CNTNAP2: variants seen among roughly 807,000 people sequenced by gnomAD.
The protein encoded by CNTNAP2 is contactin-associated protein-like 2.
Under a neutral mutation model 155.2 loss-of-function variants are expected in CNTNAP2, and 98 were observed. The observed-to-expected ratio is 0.63, with a 90% CI of 0.54 to 0.75. The LOEUF is 0.75. Among genes scored for constraint, CNTNAP2 ranks in the 30% least tolerant of loss-of-function variants. The pLI, the probability that CNTNAP2 is intolerant of heterozygous loss-of-function variation, is 0.00. For synonymous variants in CNTNAP2, 651 were observed against 631.2 expected, an observed-to-expected ratio of 1.03 and a Z score of -0.47; for missense variants, 1,727 against 1,688.1, an observed-to-expected ratio of 1.02 and a Z score of -0.40.
chr7:147,588,969 T>G (rs1414676571), intron 12 of CNTNAP2, among the ~76,000 whole-genome samples: 1 of 152,200 alleles, frequency 6.6e-6, no homozygotes, highest in Non-Finnish European at 1.5e-5. Context: ...ATATGTTGAT[T>G]ACTTCATGGA....
At chr7:146,217,800 A>G (rs1799137216) in intron 1 of CNTNAP2, among the ~76,000 whole-genome samples, 1 of 152,174 alleles carries the variant, frequency 6.6e-6, no homozygotes, top group African/African-American at 2.4e-5. Context: ...ACCAGCACAT[A>G]GTTATATATA....
At chr7:147,620,780 A>G (rs1794829723) in intron 12 of CNTNAP2, among the ~76,000 whole-genome samples, 1 of 152,106 alleles carries the variant, frequency 6.6e-6, no homozygotes, top group African/African-American at 2.4e-5. Flanking sequence ...TCTAAGAGTT[A>G]TTGGCCATAA....
chr7:147,567,505 G>A (rs995345812), intron 12 of CNTNAP2, among the ~76,000 whole-genome samples: 5 of 152,248 alleles, frequency 3.3e-5, no homozygotes, highest in Non-Finnish European at 5.9e-5. Context: ...GAAAGCCCCC[G>A]TAGTAATGCA....
chr7:147,949,132 C>T (rs1163822502), intron 14 of CNTNAP2, among the ~76,000 whole-genome samples: 1 of 151,038 alleles, frequency 6.6e-6, no homozygotes, highest in African/African-American at 2.4e-5. Flanking sequence ...ACCCAAGAGG[C>T]GGAGGTTGCA....
At chr7:147,031,475 G>T (rs73154320) in intron 3 of CNTNAP2, among the ~76,000 whole-genome samples, 85 of 152,258 alleles carry the variant, frequency 5.6e-4, no homozygotes, top group Non-Finnish European at 7.6e-4. Context: ...ACAAAAATGG[G>T]TACAGGTTAT....
At chr7:146,829,687 G>T (rs1224512324) in intron 2 of CNTNAP2, among the ~76,000 whole-genome samples, 1 of 151,962 alleles carries the variant, frequency 6.6e-6, no homozygotes. Flanking sequence ...TGCATCACTG[G>T]AAAACCTTAC....
intron 13 of CNTNAP2, among the ~76,000 whole-genome samples, chr7:147,797,770 A>G (rs1797922752): frequency 6.6e-6 from 1 of 152,216 alleles, no homozygotes. Flanking sequence ...GTGAAGAGAT[A>G]CATATTTGAG....
At chr7:146,952,899 TA>T (rs1316125061) in intron 3 of CNTNAP2, among the ~76,000 whole-genome samples, 1 of 152,080 alleles carries the variant, frequency 6.6e-6, no homozygotes, top group Non-Finnish European at 1.5e-5. Flanking sequence ...TTTCTGAACC[TA>T]AAAATATTAA....
At chr7:146,840,043 T>C (rs905594017) in intron 3 of CNTNAP2, 139 bp downstream of exon 3, 6 of 1,032,084 alleles carry the variant, frequency 5.8e-6, no homozygotes, top group Non-Finnish European at 8.5e-6. Flanking sequence ...TCATTGTTGA[T>C]GGAAGAAAGT....
At chr7:147,344,251 T>C (rs894504544) in intron 9 of CNTNAP2, among the ~76,000 whole-genome samples, 4 of 152,130 alleles carry the variant, frequency 2.6e-5, no homozygotes. Flanking sequence ...CCCAAAATTC[T>C]ACCCACGCAG....
chr7:147,318,495 C>T (rs1795279680), intron 9 of CNTNAP2, among the ~76,000 whole-genome samples: 1 of 152,064 alleles, frequency 6.6e-6, no homozygotes, highest in African/African-American at 2.4e-5. Context: ...CACTGTTATA[C>T]TATGCAGCCA....
At chr7:146,851,273 C>T (rs907094089) in intron 3 of CNTNAP2, among the ~76,000 whole-genome samples, 21 of 152,170 alleles carry the variant, frequency 1.4e-4, no homozygotes, top group Non-Finnish European at 2.9e-5. Flanking sequence ...GCATGAGCCA[C>T]GGCACCTGGG....
intron 8 of CNTNAP2, among the ~76,000 whole-genome samples, chr7:147,186,872 T>A (rs1366013959): frequency 1.1e-5 from 1 of 93,850 alleles, no homozygotes; most frequent in Admixed American, 1.1e-4. Flanking sequence ...GCACTTGATC[T>A]TTTCGGGCTG....
In CNTNAP2 at chr7:147,903,766, G is replaced by A. The variant is rs544955595; in HGVS notation, c.2255+45G>A. ...ACAGCCAGGCTCACCCTCCCAGTGT[G>A]CCTTTGTGTCAAACTCATGTGATAG... On this transcript the variant is annotated intron_variant, in intron 14 of 23. Coordinates refer to ENST00000361727, the MANE Select transcript of CNTNAP2 (RefSeq NM_014141.6). 3.1e-6 allele frequency: 5 copies of A among 1,605,096 alleles called. No individual in the cohort carries two copies. In the African/African-American group the frequency reaches 5.4e-5, roughly 17 times the overall value.
intron 8 of CNTNAP2, among the ~76,000 whole-genome samples, chr7:147,149,003 T>TTCCACAGCA (rs1254330182): frequency 6.6e-6 from 1 of 152,204 alleles, no homozygotes; most frequent in African/African-American, 2.4e-5. Context: ...AGAACACATC[T>TTCCACAGCA]TCCACAGCAT....
rs765473475 is a variant in CNTNAP2, at chr7:146,226,946, AAT to A, written c.97+109975_97+109976del. Among the ~76,000 whole-genome samples the A allele has an allele frequency of 2.0e-4, 31 of 152,300 alleles. 1 individual carries two copies. The highest frequency in any genetic ancestry group is 8.3e-4 in the South Asian group (4 of 4,830). ...AAGAAATGTTACTTTTGAAAGAAAA[AAT>A]AGTCATATCCATTGACTCTCAAATA... On this transcript the variant is annotated intron_variant, in intron 1 of 23. Coordinates refer to ENST00000361727, the MANE Select transcript of CNTNAP2 (RefSeq NM_014141.6).
chr7:147,704,614 T>TC (rs1232588948), intron 13 of CNTNAP2: 1 of 154,164 alleles, frequency 6.5e-6, no homozygotes, highest in Non-Finnish European at 1.5e-5. Context: ...TAGGGATAAT[T>TC]CCCTCTTCTT....
chr7:148,388,255 T>C (rs1039184794), intron 22 of CNTNAP2, among the ~76,000 whole-genome samples: 6 of 151,574 alleles, frequency 4.0e-5, no homozygotes, highest in Admixed American at 6.6e-5. Flanking sequence ...TAACTCATCA[T>C]CTAGCATTAG....
At chr7:146,546,260 G>A (rs927122922) in intron 1 of CNTNAP2, among the ~76,000 whole-genome samples, 1 of 151,964 alleles carries the variant, frequency 6.6e-6, no homozygotes, top group Non-Finnish European at 1.5e-5. Flanking sequence ...GAAAATTTCT[G>A]ACTCTTCTTA....
Sources: allele counts gnomAD v4.1 joint callset (sites outside exome capture counted in the v4.1 genomes callset), GRCh38; gene constraint gnomAD v4.1.1; transcripts MANE v1.5; gene names NCBI Gene and HGNC (gene_info 2026-07-23, HGNC 2026-07-21).